Variants in FAM162B observed in about 807,000 individuals in gnomAD.
The protein encoded by FAM162B is family with sequence similarity 162 member B, also known as protein FAM162B.
Under a neutral mutation model 20.0 loss-of-function variants are expected in FAM162B, and 16 were observed. The observed-to-expected ratio is 0.80, with a 90% CI of 0.54 to 1.21. FAM162B has a LOEUF of 1.21. Among genes scored for constraint, FAM162B ranks in the 50% most tolerant of loss-of-function variants. The probability of loss-of-function intolerance (pLI) is 0.00; values close to 1 mark genes in which losing one functional copy is unlikely to be tolerated. For synonymous variants in FAM162B, 83 were observed against 89.7 expected (o/e 0.93, Z 0.42); for missense variants, 260 against 227.5 (o/e 1.14, Z -0.92).
chr6:116,754,694 CTTCTTTT>C lies in FAM162B; in HGVS notation c.391-2006_391-2000del, dbSNP rs1174102983. Among the ~76,000 whole-genome samples, 3 of 151,796 alleles carry C rather than the reference CTTCTTTT, an allele frequency of 2.0e-5. No homozygotes were observed. The South Asian group carries it at 6.2e-4, about 31-fold the overall frequency. On this transcript the variant is annotated intron_variant, in intron 3 of 3. Coordinates refer to ENST00000368557, the MANE Select transcript of FAM162B (RefSeq NM_001085480.3). ...ATTGTGACTTTCTTTCTTTCTTCTT[CTTCTTTT>C]TTTGTTTTTTTCAAATTGAAGGTTT...
Position 116,752,408 on chromosome 6 carries a change from T to A in FAM162B, c.*189A>T, listed in dbSNP as rs1780001557. The A allele has an allele frequency of 4.0e-6, 1 of 249,608 alleles. No individual in the cohort carries two copies. Among genetic ancestry groups the A allele is most frequent in the South Asian group, 9.9e-5 (1 of 10,112 alleles). 15.5% of individuals were successfully genotyped at this position (249,608 alleles called of 1,614,324 possible). A position where few individuals can be genotyped will look rare whatever the true frequency, so the allele number is the denominator to read the frequency against. On this transcript the variant is annotated 3_prime_UTR_variant, in exon 4 of 4. Transcript: ENST00000368557. ...ATCTATCAGACTGTATACAGTTTTG[T>A]CCACTTTTTGAATGCATGGTATACT...
chr6:116,754,567 T>C (rs1289044307), intron 3 of FAM162B, among the ~76,000 whole-genome samples: 2 of 152,160 alleles, frequency 1.3e-5, no homozygotes, highest in Admixed American at 1.3e-4. Flanking sequence ...GAATAGAGAA[T>C]CCTCCTCTAT....
In FAM162B at chr6:116,765,447, A is replaced by G; in HGVS notation, c.130T>C (p.Ser44Pro). Residue 44 changes from serine to proline, a missense_variant, in exon 1 of 4, where the codon TCC becomes CCC. Coordinates refer to ENST00000368557, the MANE Select transcript of FAM162B (RefSeq NM_001085480.3). The part of the protein sequence containing the change: ...ALPPRGLPCY[S>P]SGGAPSNSGP... ...GAATTGCTGGGGGCCCCGCCGCTGG[A>G]GTAGCAGGGGAGACCCCGGGGCGGA... 2 of 1,447,784 alleles carry G rather than the reference A, an allele frequency of 1.4e-6. No individual in the cohort carries two copies. The highest frequency in any genetic ancestry group is 1.8e-6 in the Non-Finnish European group (2 of 1,100,532). 89.7% of individuals were successfully genotyped at this position (1,447,784 alleles called of 1,614,324 possible). A position where few individuals can be genotyped will look rare whatever the true frequency, so the allele number is the denominator to read the frequency against.
intron 1 of FAM162B, 57 bp downstream of exon 1, chr6:116,765,348 G>C: frequency 6.6e-7 from 1 of 1,526,054 alleles, no homozygotes; most frequent in Non-Finnish European, 8.8e-7. Context: ...CCGGCCCCTC[G>C]CTGCCCTCCC....
At chr6:116,759,324 G>A (rs1304935480) in intron 3 of FAM162B, among the ~76,000 whole-genome samples, 3 of 96,792 alleles carry the variant, frequency 3.1e-5, no homozygotes, top group Non-Finnish European at 6.1e-5. Context: ...TTTATTTTTT[G>A]AGACAGAGTC....
chr6:116,764,696 G>T (rs896492091), intron 2 of FAM162B, among the ~76,000 whole-genome samples: 17 of 151,510 alleles, frequency 1.1e-4, no homozygotes, highest in African/African-American at 4.1e-4. Flanking sequence ...AGACCCCCCC[G>T]CCACAGCCGC....
At chr6:116,761,836 T>C (rs1402405109) in intron 3 of FAM162B, 141 bp downstream of exon 3, 2 of 525,740 alleles carry the variant, frequency 3.8e-6, no homozygotes, top group Admixed American at 3.3e-5. Context: ...TCGAGAACAA[T>C]GTCCATGACA....
intron 3 of FAM162B, among the ~76,000 whole-genome samples, chr6:116,759,299 C>CTT (rs376112360): frequency 4.9e-4 from 62 of 125,556 alleles, no homozygotes; most frequent in African/African-American, 1.1e-3. Flanking sequence ...ATCTTTCTTT[C>CTT]TTTTTTTTTT....
chr6:116,758,854 T>A (rs1325560206), intron 3 of FAM162B, among the ~76,000 whole-genome samples: 1 of 152,174 alleles, frequency 6.6e-6, no homozygotes, highest in African/African-American at 2.4e-5. Flanking sequence ...GGGTTATTTA[T>A]GTGATTTGAA....
At chr6:116,754,706 T>G (rs1329963592) in intron 3 of FAM162B, among the ~76,000 whole-genome samples, 1 of 152,100 alleles carries the variant, frequency 6.6e-6, no homozygotes, top group East Asian at 1.9e-4. Flanking sequence ...TCTTTTTTTG[T>G]TTTTTTCAAA....
At chr6:116,759,312 T>G (rs1780093895) in intron 3 of FAM162B, among the ~76,000 whole-genome samples, 1 of 150,004 alleles carries the variant, frequency 6.7e-6, no homozygotes, top group South Asian at 2.1e-4. Context: ...TTTTTTTTTT[T>G]TTTTATTTTT....
Position 116,761,708 on chromosome 6 carries a change from A to G in FAM162B, c.390+269T>C, listed in dbSNP as rs1026715659. On this transcript the variant is annotated intron_variant, in intron 3 of 3. Coordinates refer to ENST00000368557, the MANE Select transcript of FAM162B (RefSeq NM_001085480.3). ...TATATACATATATAAATACTTATAT[A>G]TATACTTGTATATATACTTATATAT... Among the ~76,000 whole-genome samples the G allele has an allele frequency of 2.7e-5, 4 of 146,140 alleles. No homozygotes were observed. In the Admixed American group the frequency reaches 2.8e-4, roughly 10 times the overall value.
intron 2 of FAM162B, among the ~76,000 whole-genome samples, chr6:116,762,327 T>C (rs1040829749): frequency 6.6e-6 from 1 of 152,232 alleles, no homozygotes; most frequent in African/African-American, 2.4e-5. Flanking sequence ...TATAGAATAT[T>C]AGTTTCTAAT....
chr6:116,757,930 G>T (rs1583464480), intron 3 of FAM162B, among the ~76,000 whole-genome samples: 1 of 152,118 alleles, frequency 6.6e-6, no homozygotes, highest in Non-Finnish European at 1.5e-5. Context: ...ATATAGACAG[G>T]TCTACTGAAA....
At chr6:116,758,345 T>C (rs1026941091) in intron 3 of FAM162B, among the ~76,000 whole-genome samples, 13 of 152,328 alleles carry the variant, frequency 8.5e-5, no homozygotes, top group African/African-American at 3.1e-4. Context: ...TAGACTTCTT[T>C]TCCTGTGTTT....
In FAM162B at chr6:116,765,636, C is replaced by T; in HGVS notation, c.-60G>A. 1 of 1,260,714 alleles carries T rather than the reference C, an allele frequency of 7.9e-7. No individual in the cohort carries two copies. Among genetic ancestry groups the T allele is most frequent in the South Asian group, 3.4e-5 (1 of 29,732 alleles). 78.1% of individuals were successfully genotyped at this position (1,260,714 alleles called of 1,614,324 possible). On this transcript the variant is annotated 5_prime_UTR_variant, in exon 1 of 4. Transcript: ENST00000368557. ...CGGACCCAGCCACAGGCGTTGTCCC[C>T]GCAGCTCTCCTCGTCCCGCCCCGGC...
At position 116,752,660 on chromosome 6, in the gene FAM162B, G is replaced by A; in HGVS notation, c.426C>T (p.Asn142=). 1 of 1,586,200 alleles carries A rather than the reference G, an allele frequency of 6.3e-7. No individual in the cohort carries two copies. Among genetic ancestry groups the A allele is most frequent in the Non-Finnish European group, 8.6e-7 (1 of 1,164,856 alleles). Residue 142 remains asparagine, a synonymous_variant, in exon 4 of 4, where the codon AAC becomes AAT. Transcript: ENST00000368557. ...CACGCCACTTAGCTTTCTTTGCCAAGTTCCAACTTGTTAAGGATTCATGTC... is the reference window on the plus strand; with the variant it reads ...CACGCCACTTAGCTTTCTTTGCCAAATTCCAACTTGTTAAGGATTCATGTC... ...VERHESLTSW[N]LAKKAKWREE...
At position 116,752,658 on chromosome 6, in the gene FAM162B, A is replaced by G; in HGVS notation, c.428T>C (p.Leu143Ser). 1 of 1,589,602 alleles carries G rather than the reference A, an allele frequency of 6.3e-7. No homozygotes were observed. Among genetic ancestry groups the G allele is most frequent in the East Asian group, 2.3e-5 (1 of 43,964 alleles). ...TTCACGCCACTTAGCTTTCTTTGCCAAGTTCCAACTTGTTAAGGATTCATG... is the reference window on the plus strand; with the variant it reads ...TTCACGCCACTTAGCTTTCTTTGCCGAGTTCCAACTTGTTAAGGATTCATG... Reference protein sequence around the residue: ...ERHESLTSWNLAKKAKWREEA... With the variant: ...ERHESLTSWNSAKKAKWREEA... Residue 143 changes from leucine to serine, a missense_variant, in exon 4 of 4, where the codon TTG becomes TCG. By Grantham distance (145) the Leu-to-Ser change is moderately radical. Transcript: ENST00000368557.
chr6:116,760,150 T>C (rs1042017283), intron 3 of FAM162B, among the ~76,000 whole-genome samples: 4 of 152,190 alleles, frequency 2.6e-5, no homozygotes, highest in Non-Finnish European at 5.9e-5. Context: ...TGCTCAAAAG[T>C]ATTTAGTGTA....
Sources: gnomAD v4.1 joint callset for allele counts (sites outside exome capture counted in the v4.1 genomes callset) on GRCh38, gnomAD v4.1.1 for gene constraint, MANE v1.5 for transcripts, NCBI Gene and HGNC (gene_info 2026-07-23, HGNC 2026-07-21) for gene names.